Variants in FSTL5 observed in about 807,000 individuals in gnomAD.
The protein encoded by FSTL5 is follistatin like 5.
A neutral mutation model predicts 89.1 loss-of-function variants in FSTL5; 62 were observed. The observed-to-expected ratio is 0.70, with a 90% CI of 0.57 to 0.86. The LOEUF (loss-of-function observed/expected upper bound fraction) is 0.86. FSTL5 is among the 40% of genes least tolerant of loss of function. The pLI is 0.00. For synonymous variants in FSTL5, 383 were observed against 346.2 expected, an observed-to-expected ratio of 1.11 and a Z score of -1.18; for missense variants, 1,057 against 1,001.6, an observed-to-expected ratio of 1.06 and a Z score of -0.75.
intron 6 of FSTL5, among the ~76,000 whole-genome samples, chr4:161,665,856 A>G (rs1340753355): frequency 6.6e-6 from 1 of 152,028 alleles, no homozygotes; most frequent in African/African-American, 2.4e-5. Flanking sequence ...CAAGGAGTGG[A>G]CAGCAAAAAA....
At position 161,750,312 on chromosome 4, in the gene FSTL5, T is replaced by C. The variant is rs981697677; in HGVS notation, c.727+9099A>G. Among the ~76,000 whole-genome samples, 7 of 152,122 alleles carry C rather than the reference T, an allele frequency of 4.6e-5. 1 individual carries two copies. The highest frequency in any genetic ancestry group is 8.8e-5 in the Non-Finnish European group (6 of 68,010). ...CCAGTAATTAACTACATGTGGCTATTGAACATTTGGCTTATCCAATTGAGA... is the reference window on the plus strand; with the variant it reads ...CCAGTAATTAACTACATGTGGCTATCGAACATTTGGCTTATCCAATTGAGA... On this transcript the variant is annotated intron_variant, in intron 6 of 15. Coordinates refer to ENST00000306100, the MANE Select transcript of FSTL5 (RefSeq NM_020116.5).
intron 15 of FSTL5, among the ~76,000 whole-genome samples, chr4:161,417,361 C>T (rs1184302107): frequency 6.6e-6 from 1 of 152,196 alleles, no homozygotes; most frequent in Non-Finnish European, 1.5e-5. Context: ...TTAATCACGC[C>T]ATTCATAAAA....
intron 4 of FSTL5, among the ~76,000 whole-genome samples, chr4:161,844,960 T>A (rs1393667986): frequency 6.6e-6 from 1 of 151,702 alleles, no homozygotes; most frequent in Non-Finnish European, 1.5e-5. Flanking sequence ...ACACCAAAAA[T>A]AATAAAAATA....
intron 14 of FSTL5, among the ~76,000 whole-genome samples, chr4:161,456,654 C>T (rs1386365827): frequency 2.6e-5 from 4 of 152,102 alleles, no homozygotes; most frequent in African/African-American, 9.7e-5. Flanking sequence ...TCTTAACTTC[C>T]ACTTCCTTTG....
At chr4:161,684,485 A>G (rs901791468) in intron 6 of FSTL5, among the ~76,000 whole-genome samples, 1 of 152,098 alleles carries the variant, frequency 6.6e-6, no homozygotes, top group Non-Finnish European at 1.5e-5. Context: ...GTTGAATAGC[A>G]TTGTGGTTTT....
chr4:161,592,080 C>T (rs529184823), intron 7 of FSTL5, among the ~76,000 whole-genome samples: 1 of 152,178 alleles, frequency 6.6e-6, no homozygotes, highest in South Asian at 2.1e-4. Context: ...AAATACACTA[C>T]CAGGTTTGAA....
chr4:161,548,445 G>A (rs1314906761), intron 8 of FSTL5, among the ~76,000 whole-genome samples: 1 of 152,020 alleles, frequency 6.6e-6, no homozygotes, highest in East Asian at 1.9e-4. Context: ...AAAGGAAAAT[G>A]AACTGAATTT....
chr4:161,890,455 C>G (rs1308458523), intron 4 of FSTL5, among the ~76,000 whole-genome samples: 1 of 151,880 alleles, frequency 6.6e-6, no homozygotes, highest in East Asian at 1.9e-4. Context: ...TTTGGGAAGC[C>G]AAGGTGGGCA....
intron 15 of FSTL5, among the ~76,000 whole-genome samples, chr4:161,390,261 T>A (rs1487058956): frequency 6.6e-6 from 1 of 152,118 alleles, no homozygotes; most frequent in Non-Finnish European, 1.5e-5. Flanking sequence ...TACCCAAGAA[T>A]TTTTGCTAAA....
At chr4:161,621,199 A>C (rs72687591) in intron 7 of FSTL5, among the ~76,000 whole-genome samples, 29,288 of 151,828 alleles carry the variant, frequency 0.19, 2,986 homozygotes, top group East Asian at 0.35. Flanking sequence ...GAAGAATTCA[A>C]TGAAAAATCA....
chr4:162,075,079 A>C (rs985079163), intron 2 of FSTL5, among the ~76,000 whole-genome samples: 3 of 151,758 alleles, frequency 2.0e-5, no homozygotes, highest in African/African-American at 7.3e-5. Flanking sequence ...GCCATAGGAA[A>C]ACCCAGGGGA....
At chr4:161,833,492 C>T (rs1730920117) in intron 4 of FSTL5, among the ~76,000 whole-genome samples, 1 of 90,650 alleles carries the variant, frequency 1.1e-5, no homozygotes, top group Non-Finnish European at 2.5e-5. Context: ...GTTAAAGTCT[C>T]CCATTATTAT....
chr4:161,571,607 C>G (rs919085239), intron 8 of FSTL5, among the ~76,000 whole-genome samples: 1 of 152,008 alleles, frequency 6.6e-6, no homozygotes, highest in Non-Finnish European at 1.5e-5. Context: ...AGATTGAGAA[C>G]CTTTATAAAT....
Position 161,866,517 on chromosome 4 carries a change from C to T in FSTL5, c.409+53887G>A, listed in dbSNP as rs149171771. ...GTGTGTGTGTGTGTGTGGTTTCAAT[C>T]TTCACTCAATTCTCCAAAACTCTTG... is the stretch of plus-strand genomic sequence containing the variant. On this transcript the variant is annotated intron_variant, in intron 4 of 15. Coordinates refer to ENST00000306100, the MANE Select transcript of FSTL5 (RefSeq NM_020116.5). 8.8e-3 allele frequency among the ~76,000 whole-genome samples: 1,062 copies of T among 120,648 alleles called. 18 individuals are homozygous for T. The highest frequency in any genetic ancestry group is 0.027 in the African/African-American group (949 of 34,990). 79.1% of individuals were successfully genotyped at this position (120,648 alleles called of 152,430 possible).
At chr4:161,553,677 A>G (rs1732291022) in intron 8 of FSTL5, among the ~76,000 whole-genome samples, 1 of 151,464 alleles carries the variant, frequency 6.6e-6, no homozygotes, top group East Asian at 1.9e-4. Flanking sequence ...AAAAGTGTCT[A>G]CTGGAATTTG....
intron 4 of FSTL5, among the ~76,000 whole-genome samples, chr4:161,779,336 T>C (rs1741537489): frequency 2.6e-5 from 4 of 152,196 alleles, no homozygotes; most frequent in East Asian, 1.9e-4. Context: ...TATGCAATTA[T>C]ATAATTTTTT....
At chr4:161,696,321 A>T (rs575110521) in intron 6 of FSTL5, among the ~76,000 whole-genome samples, 14 of 152,024 alleles carry the variant, frequency 9.2e-5, no homozygotes, top group Non-Finnish European at 2.1e-4. Context: ...GGCCTTTATG[A>T]CTATTTTTAT....
intron 3 of FSTL5, among the ~76,000 whole-genome samples, chr4:162,018,290 T>C (rs1298814134): frequency 6.6e-6 from 1 of 152,148 alleles, no homozygotes; most frequent in Non-Finnish European, 1.5e-5. Context: ...TTACCACTTT[T>C]AGAGTTAGGC....
intron 6 of FSTL5, among the ~76,000 whole-genome samples, chr4:161,722,478 T>C: frequency 6.6e-6 from 1 of 152,206 alleles, no homozygotes; most frequent in East Asian, 1.9e-4. Flanking sequence ...TCATTTGATG[T>C]TCAGCTCACA....
Sources: gnomAD v4.1 joint callset for allele counts (sites outside exome capture counted in the v4.1 genomes callset) on GRCh38, gnomAD v4.1.1 for gene constraint, MANE v1.5 for transcripts, NCBI Gene and HGNC (gene_info 2026-07-23, HGNC 2026-07-21) for gene names.